ST6GALNAC1: variants seen among roughly 807,000 people sequenced by gnomAD.
ST6GALNAC1 encodes ST6 N-acetylgalactosaminide alpha-2,6-sialyltransferase 1.
In ST6GALNAC1, 45 loss-of-function variants were observed where a neutral mutation model predicts 56.8. The observed-to-expected ratio is 0.79, with a 90% CI of 0.62 to 1.02. The LOEUF is 1.02. Ranked by LOEUF, ST6GALNAC1 falls within the 50% of genes least tolerant of loss-of-function variation. The pLI is 0.00. For synonymous variants in ST6GALNAC1, 295 were observed against 297.8 expected (o/e 0.99, Z 0.10); for missense variants, 743 against 754.8 (o/e 0.98, Z 0.18).
At chr17:76,625,692 C>T (rs2075787082) in intron 8 of ST6GALNAC1, 127 bp downstream of exon 8, 1 of 1,136,064 alleles carries the variant, frequency 8.8e-7, no homozygotes, top group South Asian at 1.6e-5. Flanking sequence ...TGCACCCATA[C>T]TCATGCCCAC....
chr17:76,629,052 A>C lies in ST6GALNAC1; in HGVS notation c.791T>G (p.Phe264Cys). 3 of 1,549,012 alleles carry C rather than the reference A, an allele frequency of 1.9e-6. No individual in the cohort carries two copies. Among genetic ancestry groups the C allele is most frequent in the Middle Eastern group, 1.7e-4 (1 of 5,730 alleles). The change falls in exon 2 of 9, where the codon TTT becomes TGT. Residue 264 changes from phenylalanine to cysteine, a missense_variant. Coordinates refer to ENST00000156626, the MANE Select transcript of ST6GALNAC1 (RefSeq NM_018414.5). Reference sequence around the variant, plus strand: ...TATTTCGAAGCTGTATTTTTCCTCAAAATCCCACCGAGGCTCAGATTTGAA... The same window carrying C: ...TATTTCGAAGCTGTATTTTTCCTCACAATCCCACCGAGGCTCAGATTTGAA... The part of the protein sequence containing the change: ...ANFKSEPRWD[F>C]EEKYSFEIGG...
chr17:76,627,105 G>A lies in ST6GALNAC1; in HGVS notation c.1134C>T (p.His378=). The change falls in exon 4 of 9, where the codon CAC becomes CAT. Residue 378 remains histidine, a synonymous_variant. Coordinates refer to ENST00000156626, the MANE Select transcript of ST6GALNAC1 (RefSeq NM_018414.5). The surrounding 1 kb of genome is among the most constrained non-coding windows in gnomAD (Gnocchi z 4.4). ...CGTGACTGTCTATCTCCTGGCCCAT[G>A]TGGGAGTTGTTCAGGATGCCCCCGT... is the stretch of plus-strand genomic sequence containing the variant. ...VGNGGILNNS[H]MGQEIDSHDY... is the part of the protein sequence containing the mutation. 6.3e-7 allele frequency: 1 copy of A among 1,579,654 alleles called. No homozygotes were observed. Among genetic ancestry groups the A allele is most frequent in the Non-Finnish European group, 8.6e-7 (1 of 1,163,194 alleles).
chr17:76,625,826 C>T lies in ST6GALNAC1; in HGVS notation c.1598G>A (p.Cys533Tyr), dbSNP rs755893812. 2 of 1,533,444 alleles carry T rather than the reference C, an allele frequency of 1.3e-6. No individual in the cohort carries two copies. The highest frequency in any genetic ancestry group is 4.4e-5 in the Admixed American group (2 of 45,194). 95.0% of individuals were successfully genotyped at this position (1,533,444 alleles called of 1,614,324 possible). ...GCTGCAGTGGAGCCTTACCTGGTCA[C>T]AGAGCTGAAGGGCAGTGAGCAGCAG... ...ALLLLTALQL[C>Y]DQVSAYGFIT... Residue 533 changes from cysteine to tyrosine, a missense_variant, in exon 8 of 9, where the codon TGT (cysteine) becomes TAT (tyrosine). Transcript: ENST00000156626.
the ST6GALNAC1 span, among the ~76,000 whole-genome samples, chr17:76,618,638 G>A: frequency 7.5e-4 from 114 of 152,144 alleles, 1 homozygote; most frequent in Middle Eastern, 0.01. Context: ...AAAATTAGCC[G>A]GGCGTGGTGG....
At chr17:76,620,104 G>A (rs2075726136), downstream of ST6GALNAC1, among the ~76,000 whole-genome samples, 1 of 151,468 alleles carries the variant, frequency 6.6e-6, no homozygotes, top group African/African-American at 2.4e-5. Context: ...GCAATGGTGC[G>A]ATCTTGGCTC....
At chr17:76,621,754 C>T (rs1254966829), downstream of ST6GALNAC1, among the ~76,000 whole-genome samples, 1 of 152,066 alleles carries the variant, frequency 6.6e-6, no homozygotes, top group Non-Finnish European at 1.5e-5. Flanking sequence ...GCATTACAGG[C>T]GTGAGCCATC....
Position 76,627,519 on chromosome 17 carries a change from G to A in ST6GALNAC1, c.896C>T (p.Pro299Leu). The A allele has an allele frequency of 1.2e-6, 2 of 1,614,162 alleles. No individual in the cohort carries two copies. The highest frequency in any genetic ancestry group is 1.7e-6 in the Non-Finnish European group (2 of 1,180,032). The change falls in exon 3 of 9, where the codon CCC becomes CTC. Residue 299 changes from proline (P) to leucine (L), a missense_variant. By Grantham distance (98) the Pro-to-Leu change is moderately conservative. Coordinates refer to ENST00000156626, the MANE Select transcript of ST6GALNAC1 (RefSeq NM_018414.5). This position sits in a 1 kb window ranked among gnomAD's most constrained non-coding sequence, Gnocchi z 4.4. The stretch of plus-strand genomic sequence containing the variant: ...GGAGTCCAGGAAGAGAGTGAGGTTG[G>A]GCAGAAAGAGTTTCTGGAGCCACAG... ...KSLWLQKLFL[P>L]NLTLFLDSRH...
At chr17:76,628,145 G>C (rs568042621) in intron 2 of ST6GALNAC1, among the ~76,000 whole-genome samples, 98 of 151,940 alleles carry the variant, frequency 6.4e-4, no homozygotes, top group African/African-American at 2.2e-3. Context: ...AAGTGTGAGA[G>C]GGGCCGCATC....
intron 2 of ST6GALNAC1, among the ~76,000 whole-genome samples, 170 bp downstream of exon 2, chr17:76,628,842 G>C (rs908857729): frequency 2.0e-5 from 3 of 152,164 alleles, no homozygotes; most frequent in African/African-American, 7.2e-5. Flanking sequence ...GGAAAGACAA[G>C]TGGGGCAGAG....
intron 1 of ST6GALNAC1, among the ~76,000 whole-genome samples, chr17:76,633,012 C>G (rs908042166): frequency 6.6e-6 from 1 of 151,988 alleles, no homozygotes; most frequent in Non-Finnish European, 1.5e-5. Context: ...TCAAGACCAG[C>G]CTGGCCAACA....
chr17:76,625,273 C>A lies in ST6GALNAC1; in HGVS notation c.*57G>T. The stretch of plus-strand genomic sequence containing the variant: ...GAAATGGCCAAAGAGTCTCAAGATT[C>A]CCACTGTATCCTGTGCCTTGGAGCA... On this transcript the variant is annotated 3_prime_UTR_variant, in exon 9 of 9. Coordinates refer to ENST00000156626, the MANE Select transcript of ST6GALNAC1 (RefSeq NM_018414.5). 6.4e-7 allele frequency: 1 copy of A among 1,568,238 alleles called. No homozygotes were observed. The highest frequency in any genetic ancestry group is 8.7e-7 in the Non-Finnish European group (1 of 1,152,704).
At position 76,626,744 on chromosome 17, in the gene ST6GALNAC1, A is replaced by T. The variant is rs557890977; in HGVS notation, c.1218T>A (p.Thr406=). ...CGGTAAAGCCGTAGAAGGATGTCCG[A>T]GTCCCCACATCCTGTTCGTAGCCTT... ...LIKGYEQDVG[T]RTSFYGFTAF... is the part of the protein sequence containing the mutation. The change falls in exon 5 of 9, where the codon ACT becomes ACA. Residue 406 remains threonine, a synonymous_variant. Transcript: ENST00000156626. The T allele has an allele frequency of 1.2e-6, 2 of 1,614,158 alleles. No homozygotes were observed. Among genetic ancestry groups the T allele is most frequent in the Middle Eastern group, 1.6e-4 (1 of 6,062 alleles).
At chr17:76,637,043 G>A (rs1175657626) in intron 1 of ST6GALNAC1, among the ~76,000 whole-genome samples, 1 of 151,888 alleles carries the variant, frequency 6.6e-6, no homozygotes, top group East Asian at 1.9e-4. Flanking sequence ...TGCAAGATGT[G>A]CTTTGTTAAA....
intron 1 of ST6GALNAC1, chr17:76,637,564 A>C (rs1358922719): frequency 7.6e-6 from 3 of 397,124 alleles, no homozygotes; most frequent in Non-Finnish European, 1.3e-5. Flanking sequence ...CTTTTCAAAA[A>C]AACAGAACAA....
downstream of ST6GALNAC1, among the ~76,000 whole-genome samples, chr17:76,620,410 AT>A (rs540134451): frequency 1.4e-4 from 21 of 152,074 alleles, no homozygotes; most frequent in South Asian, 4.2e-3. Context: ...TGATTTCATT[AT>A]TTTTTGGGTA....
At chr17:76,622,183 C>CAT (rs201967554), downstream of ST6GALNAC1, among the ~76,000 whole-genome samples, 84 of 146,666 alleles carry the variant, frequency 5.7e-4, no homozygotes, top group Admixed American at 2.5e-3. Context: ...AGTTGCTGTT[C>CAT]ATATATATAT....
chr17:76,636,629 G>A (rs547170550), intron 1 of ST6GALNAC1, among the ~76,000 whole-genome samples: 5 of 152,168 alleles, frequency 3.3e-5, no homozygotes, highest in African/African-American at 7.2e-5. Context: ...CCTCCCGCCC[G>A]GCCAGCCTCC....
At chr17:76,622,587 T>A (rs2075752780), downstream of ST6GALNAC1, among the ~76,000 whole-genome samples, 2 of 152,110 alleles carry the variant, frequency 1.3e-5, no homozygotes, top group South Asian at 2.1e-4. Context: ...ATGGTCTCAA[T>A]CTCTTGACCT....
chr17:76,621,925 G>C (rs955692325), downstream of ST6GALNAC1, among the ~76,000 whole-genome samples: 9 of 142,858 alleles, frequency 6.3e-5, no homozygotes, highest in South Asian at 9.1e-4. Flanking sequence ...AATTTAATTT[G>C]TTTAAAGTCT....
Sources: gnomAD v4.1 joint callset for allele counts (sites outside exome capture counted in the v4.1 genomes callset) on GRCh38, gnomAD v4.1.1 for gene constraint, Gnocchi (gnomAD v3.1) non-coding constraint, MANE v1.5 for transcripts, NCBI Gene and HGNC (gene_info 2026-07-23, HGNC 2026-07-21) for gene names.